The following ARID5B variants were observed in gnomAD, a reference collection of about 807,000 sequenced individuals.
The protein encoded by ARID5B is AT-rich interactive domain-containing protein 5B.
ARID5B carries 13 observed loss-of-function variants against 97.2 expected under a neutral mutation model. The observed-to-expected ratio is 0.13, with a 90% CI of 0.09 to 0.21. The LOEUF (loss-of-function observed/expected upper bound fraction) is 0.21, where lower values mean the gene tolerates loss of function less well. ARID5B is among the 10% of genes least tolerant of loss of function. The probability of loss-of-function intolerance (pLI) is 1.00; values close to 1 mark genes in which losing one functional copy is unlikely to be tolerated. For synonymous variants in ARID5B, 556 were observed against 570.3 expected (o/e 0.97, Z 0.36); for missense variants, 1,210 against 1,465.3 (o/e 0.83, Z 2.84).
intron 3 of ARID5B, among the ~76,000 whole-genome samples, chr10:61,979,071 A>T (rs897473335): frequency 3.9e-5 from 6 of 152,208 alleles, no homozygotes; most frequent in Admixed American, 6.5e-5. Flanking sequence ...TGTGAGATGC[A>T]GCCAGCCACG....
At chr10:61,930,710 A>G (rs1844192952) in intron 2 of ARID5B, among the ~76,000 whole-genome samples, 1 of 63,178 alleles carries the variant, frequency 1.6e-5, no homozygotes, top group Admixed American at 1.4e-4. Context: ...ACAGAGCGAG[A>G]CTCCGCCTCA....
At chr10:62,048,718 G>A (rs1388766938) in intron 4 of ARID5B, among the ~76,000 whole-genome samples, 1 of 152,182 alleles carries the variant, frequency 6.6e-6, no homozygotes, top group Non-Finnish European at 1.5e-5. Context: ...CGGAACCTTT[G>A]CCTTTATTTA....
At chr10:61,991,443 T>A (rs889971660) in intron 3 of ARID5B, among the ~76,000 whole-genome samples, 1 of 152,208 alleles carries the variant, frequency 6.6e-6, no homozygotes, top group East Asian at 1.9e-4. Context: ...ATTTCCCTAA[T>A]GAAGAGCATT....
At chr10:61,964,796 A>G (rs186334686) in intron 3 of ARID5B, among the ~76,000 whole-genome samples, 117 of 152,306 alleles carry the variant, frequency 7.7e-4, no homozygotes, top group African/African-American at 2.8e-3. Context: ...CTACTTAGTA[A>G]AAGATTTCTG....
intron 2 of ARID5B, among the ~76,000 whole-genome samples, chr10:61,909,322 T>G (rs1843760380): frequency 7.4e-6 from 1 of 134,834 alleles, no homozygotes; most frequent in East Asian, 2.1e-4. Flanking sequence ...CAGTGAGTTT[T>G]TTTTTTTTTT....
At chr10:61,960,806 A>G (rs1838459912) in intron 3 of ARID5B, among the ~76,000 whole-genome samples, 1 of 152,228 alleles carries the variant, frequency 6.6e-6, no homozygotes, top group Admixed American at 6.5e-5. Flanking sequence ...GGATGATTAG[A>G]CCTTAAATCT....
chr10:61,953,936 T>C (rs1838357049), intron 3 of ARID5B, among the ~76,000 whole-genome samples: 1 of 152,248 alleles, frequency 6.6e-6, no homozygotes, highest in Non-Finnish European at 1.5e-5. Context: ...CAGTAGTATG[T>C]TATTTCATTT....
At chr10:62,042,634 G>A (rs961819492) in intron 4 of ARID5B, among the ~76,000 whole-genome samples, 1 of 152,194 alleles carries the variant, frequency 6.6e-6, no homozygotes, top group Non-Finnish European at 1.5e-5. Context: ...AATTCTGGCT[G>A]TGCGTCGTGG....
At chr10:62,026,307 T>C (rs770947142) in intron 4 of ARID5B, among the ~76,000 whole-genome samples, 23 of 152,244 alleles carry the variant, frequency 1.5e-4, no homozygotes, top group Admixed American at 3.3e-4. Context: ...AGCAGATATG[T>C]GTGGTGTGGG....
chr10:61,983,088 T>G (rs1265882567), intron 3 of ARID5B, among the ~76,000 whole-genome samples: 1 of 152,150 alleles, frequency 6.6e-6, no homozygotes, highest in Non-Finnish European at 1.5e-5. Context: ...GACTAAATCC[T>G]TAAAATAACT....
chr10:62,016,946 T>C (rs1330724246), intron 4 of ARID5B, among the ~76,000 whole-genome samples: 1 of 152,202 alleles, frequency 6.6e-6, no homozygotes, highest in African/African-American at 2.4e-5. Flanking sequence ...GCTTCTCAGA[T>C]GTTGCTTATG....
chr10:61,916,228 A>AT (rs933241435), intron 2 of ARID5B, among the ~76,000 whole-genome samples: 24 of 151,614 alleles, frequency 1.6e-4, no homozygotes, highest in Admixed American at 5.9e-4. Flanking sequence ...TAATTTTTAT[A>AT]TTTTTTTTAG....
chr10:62,011,640 G>C (rs927718157), intron 4 of ARID5B, among the ~76,000 whole-genome samples: 1 of 152,184 alleles, frequency 6.6e-6, no homozygotes, highest in South Asian at 2.1e-4. Flanking sequence ...GGAATGTCTT[G>C]CACATGCAAG....
chr10:61,949,334 A>G (rs1208455252), intron 3 of ARID5B, among the ~76,000 whole-genome samples: 3 of 152,094 alleles, frequency 2.0e-5, no homozygotes, highest in East Asian at 3.8e-4. Context: ...AGCCATATCT[A>G]TGATAAAAGA....
intron 8 of ARID5B, among the ~76,000 whole-genome samples, chr10:62,075,402 T>C (rs1445953119): frequency 6.6e-6 from 1 of 152,254 alleles, no homozygotes; most frequent in African/African-American, 2.4e-5. Flanking sequence ...TGAAATATGC[T>C]TGACACTAGG....
chr10:61,902,015 T>C (rs1040716445), intron 1 of ARID5B, 144 bp from the exon 2 acceptor site: 11 of 802,700 alleles, frequency 1.4e-5, no homozygotes, highest in Non-Finnish European at 2.0e-5. Flanking sequence ...AATTTGTGGG[T>C]GCTATTATTT....
chr10:61,920,742 C>A (rs938273620), intron 2 of ARID5B, among the ~76,000 whole-genome samples: 1 of 152,046 alleles, frequency 6.6e-6, no homozygotes, highest in Admixed American at 6.6e-5. Context: ...TTGACTATAA[C>A]CTTTTATTCA....
At chr10:62,051,216 C>T in intron 5 of ARID5B, 1 of 623,182 alleles carries the variant, frequency 1.6e-6, no homozygotes, top group Non-Finnish European at 2.9e-6. Context: ...GATTAGTCAA[C>T]AGAAAGACTT....
intron 5 of ARID5B, among the ~76,000 whole-genome samples, chr10:62,054,278 A>C (rs949658401): frequency 2.6e-5 from 4 of 152,212 alleles, no homozygotes; most frequent in African/African-American, 7.2e-5. Flanking sequence ...GTAATAATTT[A>C]ATAGATTGAA....
Sources: gnomAD v4.1 joint callset for allele counts (sites outside exome capture counted in the v4.1 genomes callset) on GRCh38, gnomAD v4.1.1 for gene constraint, MANE v1.5 for transcripts, NCBI Gene and HGNC (gene_info 2026-07-23, HGNC 2026-07-21) for gene names.